GRM5: variants seen among roughly 807,000 people sequenced by gnomAD.
GRM5 encodes metabotropic glutamate receptor 5.
GRM5 carries 19 observed loss-of-function variants against 83.1 expected under a neutral mutation model. That is an observed-to-expected ratio of 0.23 (90% CI 0.16 to 0.34). The LOEUF is 0.34. GRM5 is among the 10% of genes least tolerant of loss of function. GRM5 has a pLI of 1.00. For synonymous variants in GRM5, 675 were observed against 633.6 expected (o/e 1.07, Z -0.98); for missense variants, 1,160 against 1,588.3 (o/e 0.73, Z 4.58).
Position 89,059,765 on chromosome 11 carries a change from T to G in GRM5, c.-201+6011A>C, listed in dbSNP as rs144505084. On this transcript the variant is annotated intron_variant, in intron 1 of 9. Coordinates refer to ENST00000305447, the MANE Select transcript of GRM5 (RefSeq NM_001143831.3). ...ACTATGGGTCAGATACTTTATTTTT[T>G]TAATTTATTTTTCTCTTTATGTCTT... Among the ~76,000 whole-genome samples, 1,290 of 152,248 alleles carry G rather than the reference T, an allele frequency of 8.5e-3. 13 individuals are homozygous for G. The highest frequency in any genetic ancestry group is 0.03 in the African/African-American group (1,240 of 41,572).
At chr11:88,648,678 G>C (rs1047350331) in intron 4 of GRM5, among the ~76,000 whole-genome samples, 2 of 151,528 alleles carry the variant, frequency 1.3e-5, no homozygotes, top group Non-Finnish European at 2.9e-5. Context: ...ATTTTCAAGA[G>C]AGAGATTCAA....
At chr11:88,510,817 G>A (rs1465090565) in intron 9 of GRM5, among the ~76,000 whole-genome samples, 2 of 152,170 alleles carry the variant, frequency 1.3e-5, no homozygotes, top group Non-Finnish European at 2.9e-5. Flanking sequence ...CGTCTGGCCA[G>A]GAATGTTATA....
chr11:88,593,887 G>A (rs1937721589), intron 6 of GRM5, among the ~76,000 whole-genome samples: 1 of 151,060 alleles, frequency 6.6e-6, no homozygotes, highest in Admixed American at 6.6e-5. Context: ...TCCTCCTCCC[G>A]GGTTCACGCC....
chr11:88,733,780 C>T (rs1941855084), intron 3 of GRM5, among the ~76,000 whole-genome samples: 1 of 152,016 alleles, frequency 6.6e-6, no homozygotes, highest in African/African-American at 2.4e-5. Flanking sequence ...ATTCTTGTAA[C>T]TGTTTATTGT....
intron 8 of GRM5, among the ~76,000 whole-genome samples, chr11:88,525,715 A>G (rs1322652523): frequency 1.3e-5 from 2 of 152,226 alleles, no homozygotes; most frequent in South Asian, 2.1e-4. Flanking sequence ...ATCTTAGAAA[A>G]AGATGAATAT....
In GRM5 at chr11:88,509,364, G is replaced by A. The variant is rs1193446284; in HGVS notation, c.2867C>T (p.Thr956Met). The change falls in exon 10 of 10, where the codon ACG becomes ATG. Residue 956 changes from threonine (T) to methionine (M), a missense_variant. Around this residue, in one of 9 missense-constraint regions of GRM5, gnomAD observed 562 missense variants for 532.4 expected, o/e 1.06. Transcript: ENST00000305447. ...GCCAGCGCCCAGGCCACGGCTCTCC[G>A]TGCTCTTGGGGAAGGGCTTGATGAC... Reference protein sequence around the residue: ...TAVIKPFPKSTESRGLGAGAG... With the variant: ...TAVIKPFPKSMESRGLGAGAG... 1 of 1,611,636 alleles carries A rather than the reference G, an allele frequency of 6.2e-7. No homozygotes were observed. Among genetic ancestry groups the A allele is most frequent in the South Asian group, 1.1e-5 (1 of 90,960 alleles).
intron 2 of GRM5, among the ~76,000 whole-genome samples, chr11:88,870,789 C>T (rs1037426562): frequency 1.3e-5 from 2 of 151,184 alleles, no homozygotes; most frequent in Admixed American, 6.6e-5. Flanking sequence ...TATGGGTGTA[C>T]GTGTAAAAAT....
At chr11:88,540,159 AC>A (rs1942233013) in intron 8 of GRM5, among the ~76,000 whole-genome samples, 1 of 152,158 alleles carries the variant, frequency 6.6e-6, no homozygotes, top group African/African-American at 2.4e-5. Flanking sequence ...AAGTTCATTC[AC>A]CAGTTCTTGT....
At position 88,916,473 on chromosome 11, in the gene GRM5, C is replaced by T. The variant is rs544331203; in HGVS notation, c.662-66318G>A. On this transcript the variant is annotated intron_variant, in intron 2 of 9. Transcript: ENST00000305447. ...TCCAAGGAGGAAGGATTTAGACCAGCTCTAGTCAAAGGGAAATAGCACATC... is the reference window on the plus strand; with the variant it reads ...TCCAAGGAGGAAGGATTTAGACCAGTTCTAGTCAAAGGGAAATAGCACATC... Among the ~76,000 whole-genome samples the T allele has an allele frequency of 7.2e-5, 11 of 152,182 alleles. No homozygotes were observed. The Middle Eastern group carries it at 0.01, about 141-fold the overall frequency.
intron 8 of GRM5, among the ~76,000 whole-genome samples, chr11:88,548,320 A>T (rs146719298): frequency 6.6e-6 from 1 of 152,328 alleles, no homozygotes; most frequent in Non-Finnish European, 1.5e-5. Flanking sequence ...CTTGAGACAG[A>T]ATTTTGAAAA....
chr11:88,522,045 C>T (rs1279648419), intron 9 of GRM5, among the ~76,000 whole-genome samples: 1 of 152,148 alleles, frequency 6.6e-6, no homozygotes, highest in East Asian at 1.9e-4. Flanking sequence ...CAGAGTGACA[C>T]TCTCGGTTTT....
At position 88,984,467 on chromosome 11, in the gene GRM5, C is replaced by T. The variant is rs565288951; in HGVS notation, c.661+62745G>A. On this transcript the variant is annotated intron_variant, in intron 2 of 9. Coordinates refer to ENST00000305447, the MANE Select transcript of GRM5 (RefSeq NM_001143831.3). Reference sequence around the variant, plus strand: ...TCCCATCTAGGTTTATGTAAGTACACTCTATGATGTTCACAGGATGAAACT... The same window carrying T: ...TCCCATCTAGGTTTATGTAAGTACATTCTATGATGTTCACAGGATGAAACT... Among the ~76,000 whole-genome samples the T allele has an allele frequency of 6.6e-5, 10 of 152,292 alleles. No homozygotes were observed. In the East Asian group the frequency reaches 1.9e-3, roughly 29 times the overall value.
chr11:89,059,120 C>T (rs768985149), intron 1 of GRM5, among the ~76,000 whole-genome samples: 80 of 152,206 alleles, frequency 5.3e-4, no homozygotes, highest in Admixed American at 1.1e-3. Context: ...TTCCTCAGAA[C>T]ATTTATACTC....
rs188967539 is a variant in GRM5, at chr11:88,779,642, C to T, written c.911+70264G>A. ...ACACACACACCCTCATACCCACCCA[C>T]GCACAGAGCTATACAGGAGATTCAT... is the stretch of plus-strand genomic sequence containing the variant. On this transcript the variant is annotated intron_variant, in intron 3 of 9. Coordinates refer to ENST00000305447, the MANE Select transcript of GRM5 (RefSeq NM_001143831.3). 2.3e-3 allele frequency among the ~76,000 whole-genome samples: 347 copies of T among 152,254 alleles called. 1 individual carries two copies. The highest frequency in any genetic ancestry group is 7.8e-3 in the African/African-American group (323 of 41,568).
chr11:88,632,868 TA>T (rs1939014784), intron 4 of GRM5, among the ~76,000 whole-genome samples: 1 of 152,226 alleles, frequency 6.6e-6, no homozygotes, highest in Admixed American at 6.5e-5. Context: ...TTTATAATTT[TA>T]TCCATACTAA....
chr11:88,568,142 T>C (rs1219166666), intron 7 of GRM5, 150 bp from the exon 8 acceptor site: 2 of 602,650 alleles, frequency 3.3e-6, no homozygotes, highest in African/African-American at 1.9e-5. Context: ...TATTGTTTCA[T>C]GTATTCATTC....
At chr11:88,674,440 C>G (rs758392072) in intron 3 of GRM5, among the ~76,000 whole-genome samples, 16 of 151,976 alleles carry the variant, frequency 1.1e-4, no homozygotes, top group South Asian at 1.0e-3. Flanking sequence ...GTTATTCTTC[C>G]TGTGCTCTAG....
At chr11:88,928,312 G>T (rs1395166426) in intron 2 of GRM5, among the ~76,000 whole-genome samples, 1 of 151,934 alleles carries the variant, frequency 6.6e-6, no homozygotes, top group Non-Finnish European at 1.5e-5. Flanking sequence ...TTCATCTGTG[G>T]TTACTGTGGG....
chr11:89,012,510 T>C (rs181891123), intron 2 of GRM5, among the ~76,000 whole-genome samples: 112 of 152,282 alleles, frequency 7.4e-4, no homozygotes, highest in Middle Eastern at 3.4e-3. Flanking sequence ...TTTGGGAAAA[T>C]GTATGATGCG....
Sources: allele counts gnomAD v4.1 joint callset (sites outside exome capture counted in the v4.1 genomes callset), GRCh38; gene constraint gnomAD v4.1.1; regional missense constraint gnomAD v4.1.1; transcripts MANE v1.5; gene names NCBI Gene and HGNC (gene_info 2026-07-23, HGNC 2026-07-21).